RABEP1: variants seen among roughly 807,000 people sequenced by gnomAD.
RABEP1 encodes rabaptin, RAB GTPase binding effector protein 1.
In RABEP1, 51 loss-of-function variants were observed where a neutral mutation model predicts 123.4. That is an observed-to-expected ratio of 0.41 (90% confidence interval 0.33 to 0.52). The LOEUF (loss-of-function observed/expected upper bound fraction) is 0.52, where lower values mean the gene tolerates loss of function less well. Among genes scored for constraint, RABEP1 ranks in the 20% least tolerant of loss-of-function variants. The pLI is 0.16. For synonymous variants in RABEP1, 347 were observed against 355.2 expected (o/e 0.98, Z 0.26); for missense variants, 888 against 996.3 (o/e 0.89, Z 1.46).
chr17:5,337,146 G>A (rs1907169452), intron 4 of RABEP1, among the ~76,000 whole-genome samples: 1 of 152,140 alleles, frequency 6.6e-6, no homozygotes, highest in South Asian at 2.1e-4. Context: ...TTTTGAGAAT[G>A]GACTTGGGAA....
At chr17:5,366,787 C>T (rs1054011816) in intron 11 of RABEP1, among the ~76,000 whole-genome samples, 4 of 151,578 alleles carry the variant, frequency 2.6e-5, no homozygotes, top group Admixed American at 6.6e-5. Flanking sequence ...AACAGAAGTC[C>T]TTAATAATGT....
intron 8 of RABEP1, 43 bp from the exon 9 acceptor site, chr17:5,361,165 C>G: frequency 6.5e-7 from 1 of 1,532,436 alleles, no homozygotes; most frequent in Non-Finnish European, 8.9e-7. Context: ...TTTAAAAACG[C>G]AGAGAATTGT....
rs1417569236 is a variant in RABEP1 at position 5,323,827 on chromosome 17, TATATATCTAGGA to T, written c.164-8115_164-8104del. On this transcript the variant is annotated intron_variant, in intron 2 of 17. Coordinates refer to ENST00000537505, the MANE Select transcript of RABEP1 (RefSeq NM_004703.6). ...ATATATATATATCTAGGAATATATA[TATATATCTAGGA>T]ATATATATATATATCTAGGAATATA... 1.0e-4 allele frequency among the ~76,000 whole-genome samples: 13 copies of T among 124,382 alleles called. 1 individual carries two copies. The highest frequency in any genetic ancestry group is 3.8e-4 in the African/African-American group (11 of 29,192). 81.6% of individuals were successfully genotyped at this position (124,382 alleles called of 152,430 possible). A position where few individuals can be genotyped will look rare whatever the true frequency, so the allele number is the denominator to read the frequency against.
chr17:5,346,755 A>T, intron 5 of RABEP1, 35 bp from the exon 6 acceptor site: 5 of 1,465,876 alleles, frequency 3.4e-6, no homozygotes, highest in Non-Finnish European at 4.6e-6. Context: ...AAACTGTTGT[A>T]AATTTCAGTT....
At chr17:5,292,762 A>G (rs926601585) in intron 1 of RABEP1, among the ~76,000 whole-genome samples, 4 of 151,982 alleles carry the variant, frequency 2.6e-5, no homozygotes, top group South Asian at 2.1e-4. Flanking sequence ...CCCGATTGCA[A>G]TCTCTGCTTT....
chr17:5,351,282 A>G (rs1456300858), intron 7 of RABEP1, among the ~76,000 whole-genome samples: 2 of 152,018 alleles, frequency 1.3e-5, no homozygotes, highest in African/African-American at 4.8e-5. Context: ...TGAATAATAT[A>G]TATATTTATA....
chr17:5,323,333 A>G (rs1905572202), intron 2 of RABEP1, among the ~76,000 whole-genome samples: 1 of 152,180 alleles, frequency 6.6e-6, no homozygotes, highest in African/African-American at 2.4e-5. Flanking sequence ...TTTATTTAAT[A>G]TAGTATTGGA....
At chr17:5,380,857 T>C (rs990281766) in intron 16 of RABEP1, among the ~76,000 whole-genome samples, 3 of 152,216 alleles carry the variant, frequency 2.0e-5, no homozygotes, top group Admixed American at 2.0e-4. Context: ...GTGCATGTTG[T>C]GGGGGTAGTT....
At chr17:5,370,128 A>G (rs1190052854) in intron 12 of RABEP1, among the ~76,000 whole-genome samples, 2 of 152,208 alleles carry the variant, frequency 1.3e-5, no homozygotes, top group Non-Finnish European at 2.9e-5. Context: ...ACTCCAGTAC[A>G]TGACCATTTT....
chr17:5,325,775 T>A (rs866489944), intron 2 of RABEP1, among the ~76,000 whole-genome samples: 1 of 151,676 alleles, frequency 6.6e-6, no homozygotes, highest in South Asian at 2.1e-4. Flanking sequence ...ACACCCAGTT[T>A]GATTTTTACA....
chr17:5,337,064 T>C (rs777910613), intron 4 of RABEP1, among the ~76,000 whole-genome samples: 15 of 152,210 alleles, frequency 9.9e-5, no homozygotes, highest in Admixed American at 2.0e-4. Flanking sequence ...AGTGTATGTG[T>C]ATATAAGAAA....
chr17:5,380,320 CCA>C (rs1911345827), intron 15 of RABEP1, 42 bp from the exon 16 acceptor site: 1 of 1,372,622 alleles, frequency 7.3e-7, no homozygotes, highest in Non-Finnish European at 1.0e-6. Flanking sequence ...GCACTGGGGC[CCA>C]GAGGGAGTTT....
At chr17:5,351,299 A>G (rs140377346) in intron 7 of RABEP1, among the ~76,000 whole-genome samples, 44 of 152,188 alleles carry the variant, frequency 2.9e-4, no homozygotes, top group African/African-American at 1.0e-3. Context: ...TATATACATT[A>G]TCATAAATTT....
intron 1 of RABEP1, among the ~76,000 whole-genome samples, chr17:5,286,710 A>G (rs553119406): frequency 1.3e-5 from 2 of 152,330 alleles, no homozygotes; most frequent in Admixed American, 6.5e-5. Context: ...GTCAGGCACA[A>G]TTCTAGGCAT....
Position 5,331,925 on chromosome 17 carries a change from A to G in RABEP1, c.164-24A>G, listed in dbSNP as rs1449543733. On this transcript the variant is annotated intron_variant, in intron 2 of 17. Coordinates refer to ENST00000537505, the MANE Select transcript of RABEP1 (RefSeq NM_004703.6). ...GTCTGATCAAAGTGAACATTAATGG[A>G]CTATCTTTTACTTTTCTCTCCAGAG... 18 of 1,601,762 alleles carry G rather than the reference A, an allele frequency of 1.1e-5. No homozygotes were observed. The East Asian group carries it at 3.3e-4, about 30-fold the overall frequency.
intron 2 of RABEP1, among the ~76,000 whole-genome samples, chr17:5,321,937 G>A (rs974661206): frequency 3.3e-5 from 5 of 152,058 alleles, no homozygotes; most frequent in South Asian, 2.1e-4. Flanking sequence ...GGTGGCTCAC[G>A]CCTCTAATCC....
Position 5,322,963 on chromosome 17 carries a change from C to G in RABEP1, c.164-8986C>G, listed in dbSNP as rs1597354652. Among the ~76,000 whole-genome samples the G allele has an allele frequency of 3.9e-5, 6 of 152,078 alleles. No individual in the cohort carries two copies. The South Asian group carries it at 1.2e-3, about 32-fold the overall frequency. The stretch of plus-strand genomic sequence containing the variant: ...TGGTGGTGCACACCTGCAATCCCAG[C>G]TACTCTGGAGGCTGAGGCATGAGAA... On this transcript the variant is annotated intron_variant, in intron 2 of 17. Coordinates refer to ENST00000537505, the MANE Select transcript of RABEP1 (RefSeq NM_004703.6).
At chr17:5,348,857 G>A (rs984657484) in intron 6 of RABEP1, among the ~76,000 whole-genome samples, 1 of 152,028 alleles carries the variant, frequency 6.6e-6, no homozygotes, top group East Asian at 1.9e-4. Context: ...CACTGCGCCC[G>A]GCCTATTTTC....
chr17:5,287,137 G>T (rs953163196), intron 1 of RABEP1, among the ~76,000 whole-genome samples: 1 of 152,190 alleles, frequency 6.6e-6, no homozygotes, highest in Non-Finnish European at 1.5e-5. Flanking sequence ...GAGGTAACGA[G>T]GTGGAGGCAG....
Sources: allele counts gnomAD v4.1 joint callset (sites outside exome capture counted in the v4.1 genomes callset), GRCh38; gene constraint gnomAD v4.1.1; transcripts MANE v1.5; gene names NCBI Gene and HGNC (gene_info 2026-07-23, HGNC 2026-07-21).